The following TIAM2 variants were observed in gnomAD, a reference collection of about 807,000 sequenced individuals.
The protein encoded by TIAM2 is rho guanine nucleotide exchange factor TIAM2.
A neutral mutation model predicts 152.9 loss-of-function variants in TIAM2; 80 were observed. That is an observed-to-expected ratio of 0.52 (90% CI 0.44 to 0.63). The LOEUF (loss-of-function observed/expected upper bound fraction) is 0.63, where lower values mean the gene tolerates loss of function less well. TIAM2 is among the 30% of genes least tolerant of loss of function. TIAM2 has a pLI of 0.00. For synonymous variants in TIAM2, 804 were observed against 838.0 expected, an observed-to-expected ratio of 0.96 and a Z score of 0.70; for missense variants, 1,965 against 2,120.1, an observed-to-expected ratio of 0.93 and a Z score of 1.44.
chr6:155,037,388 AG>A (rs1222478405), intron 1 of TIAM2, among the ~76,000 whole-genome samples: 3 of 148,936 alleles, frequency 2.0e-5, no homozygotes, highest in African/African-American at 7.3e-5. Context: ...TGAATGATTA[AG>A]GCTTTAAAGT....
intron 2 of TIAM2, among the ~76,000 whole-genome samples, chr6:155,117,736 C>G (rs558033299): frequency 6.6e-6 from 1 of 152,246 alleles, no homozygotes; most frequent in South Asian, 2.1e-4. Flanking sequence ...AGCCACTGTG[C>G]CTGGCCTTTC....
rs1778274391 is a variant in TIAM2, at chr6:155,090,397, G to C, written c.-118+18G>C. ...CTCTGTGGGTAAGTTTGAGGCACTT[G>C]TATATCTCAAAGGCTTTAAAAGTAT... On this transcript the variant is annotated intron_variant, in intron 2 of 26. Coordinates refer to ENST00000682666, the MANE Select transcript of TIAM2 (RefSeq NM_012454.4). 6.6e-6 allele frequency: 1 copy of C among 152,164 alleles called. No homozygotes were observed. The highest frequency in any genetic ancestry group is 6.5e-5 in the Admixed American group (1 of 15,272). The allele number at this position is 152,164 out of a possible 1,614,324, so 9.4% of individuals were successfully genotyped here.
At chr6:155,077,724 C>A (rs1042154950) in intron 1 of TIAM2, among the ~76,000 whole-genome samples, 3 of 152,080 alleles carry the variant, frequency 2.0e-5, no homozygotes, top group African/African-American at 7.2e-5. Flanking sequence ...AAGATATTTT[C>A]TCATTTTGTT....
At chr6:155,159,232 A>G (rs1178678876) in intron 7 of TIAM2, among the ~76,000 whole-genome samples, 1 of 152,222 alleles carries the variant, frequency 6.6e-6, no homozygotes, top group Non-Finnish European at 1.5e-5. Context: ...GAATAGGGCC[A>G]CTGAGTGAGA....
At chr6:155,047,667 GGAGAGAGAGAGAGAGAGAGAGGA>G (rs1777209248) in intron 1 of TIAM2, among the ~76,000 whole-genome samples, 1 of 73,368 alleles carries the variant, frequency 1.4e-5, no homozygotes, top group Non-Finnish European at 3.0e-5. Context: ...GAGAGAGAGA[GGAGAGAGAGAGAGAGAGAGAGGA>G]GAGAGAGAGA....
intron 15 of TIAM2, among the ~76,000 whole-genome samples, chr6:155,233,916 T>C (rs1436776303): frequency 6.6e-6 from 1 of 151,506 alleles, no homozygotes; most frequent in Non-Finnish European, 1.5e-5. Context: ...TGAGCTATGA[T>C]TGTACCACAG....
chr6:155,101,033 C>T lies in TIAM2; in HGVS notation c.-118+10654C>T, dbSNP rs151306969. Among the ~76,000 whole-genome samples, 20 of 152,270 alleles carry T rather than the reference C, an allele frequency of 1.3e-4. No individual in the cohort carries two copies. The East Asian group carries it at 3.1e-3, about 23-fold the overall frequency. ...ATTTGCGTGGGTTTTCAGCATCACACGTGGGAGGTAAACCTTCACACCACC... is the reference window on the plus strand; with the variant it reads ...ATTTGCGTGGGTTTTCAGCATCACATGTGGGAGGTAAACCTTCACACCACC... On this transcript the variant is annotated intron_variant, in intron 2 of 26. Coordinates refer to ENST00000682666, the MANE Select transcript of TIAM2 (RefSeq NM_012454.4).
intron 16 of TIAM2, 118 bp downstream of exon 16, chr6:155,240,827 A>G (rs1423901040): frequency 3.8e-6 from 4 of 1,043,214 alleles, no homozygotes; most frequent in Middle Eastern, 2.7e-4. Flanking sequence ...AGGGGGGGAC[A>G]CCTGCTCCTT....
At chr6:155,236,233 G>C (rs1782750840) in intron 15 of TIAM2, among the ~76,000 whole-genome samples, 1 of 151,918 alleles carries the variant, frequency 6.6e-6, no homozygotes, top group Non-Finnish European at 1.5e-5. Context: ...CCTCAGTGGG[G>C]ACCCTGGGAC....
At chr6:155,140,573 T>TGTGAGAGAGAGA (rs1331424200) in intron 5 of TIAM2, among the ~76,000 whole-genome samples, 15 of 107,472 alleles carry the variant, frequency 1.4e-4, no homozygotes, top group African/African-American at 5.8e-4. Flanking sequence ...TGTGTGTGTG[T>TGTGAGAGAGAGA]GAGAGAGAGA....
chr6:155,147,964 T>C (rs1779855955), intron 6 of TIAM2, 146 bp from the exon 7 acceptor site: 1 of 743,922 alleles, frequency 1.3e-6, no homozygotes, highest in Admixed American at 2.4e-5. Flanking sequence ...CTGAGTTGAA[T>C]GGTTGAATGT....
At chr6:155,079,228 A>AT (rs1381082937) in intron 1 of TIAM2, among the ~76,000 whole-genome samples, 5 of 151,822 alleles carry the variant, frequency 3.3e-5, no homozygotes, top group African/African-American at 1.2e-4. Flanking sequence ...TGCCCAGCTA[A>AT]TTTTTGTATT....
rs1781046057 is a variant in TIAM2, at chr6:155,186,507, T to C, written c.3064+3007T>C. On this transcript the variant is annotated intron_variant, in intron 14 of 26. Coordinates refer to ENST00000682666, the MANE Select transcript of TIAM2 (RefSeq NM_012454.4). The surrounding 1 kb of genome is among the most constrained non-coding windows in gnomAD (Gnocchi z 4.5). Reference sequence around the variant, plus strand: ...CTCAAGTCCTTGACTCAGACTCTGCTTTTAGGGGAGCCCGAATGAAGATGC... The same window carrying C: ...CTCAAGTCCTTGACTCAGACTCTGCCTTTAGGGGAGCCCGAATGAAGATGC... Among the ~76,000 whole-genome samples the C allele has an allele frequency of 6.6e-6, 1 of 152,182 alleles. No individual in the cohort carries two copies. Among genetic ancestry groups the C allele is most frequent in the Non-Finnish European group, 1.5e-5 (1 of 68,036 alleles).
intron 2 of TIAM2, among the ~76,000 whole-genome samples, chr6:155,092,368 G>A (rs1293352594): frequency 1.3e-5 from 2 of 152,106 alleles, no homozygotes; most frequent in Admixed American, 1.3e-4. Context: ...AAAGTGCTGG[G>A]ATTACAGGCA....
At chr6:155,245,785 T>C in intron 19 of TIAM2, 54 bp downstream of exon 19, 2 of 1,144,538 alleles carry the variant, frequency 1.7e-6, no homozygotes, top group Non-Finnish European at 2.5e-6. Context: ...TTTTAACTGT[T>C]AGTAAAGGGT....
intron 13 of TIAM2, 47 bp downstream of exon 13, chr6:155,182,365 T>G: frequency 6.8e-7 from 1 of 1,469,422 alleles, no homozygotes; most frequent in East Asian, 2.3e-5. Context: ...TTTGAAACTG[T>G]GGGATACAGT....
chr6:155,159,640 C>T (rs889331667), intron 7 of TIAM2, among the ~76,000 whole-genome samples: 2 of 152,060 alleles, frequency 1.3e-5, no homozygotes, highest in African/African-American at 4.8e-5. Flanking sequence ...CCTTTGGGTC[C>T]AGCACTTGTA....
Position 155,252,943 on chromosome 6 carries a change from T to A in TIAM2, c.4120-5T>A. The A allele has an allele frequency of 6.2e-7, 1 of 1,613,810 alleles. No individual in the cohort carries two copies. Among genetic ancestry groups the A allele is most frequent in the Non-Finnish European group, 8.5e-7 (1 of 1,179,750 alleles). ...CACTTTTCTTGGTGGGCCTTCATGT[T>A]ACAGCCCTCGAATTCCCGGCCTGCA... is the stretch of plus-strand genomic sequence containing the variant. On this transcript the variant is annotated splice_region_variant and splice_polypyrimidine_tract_variant and intron_variant, in intron 23 of 26. Transcript: ENST00000682666.
At chr6:155,057,229 G>A (rs996584509) in intron 1 of TIAM2, among the ~76,000 whole-genome samples, 9 of 151,186 alleles carry the variant, frequency 6.0e-5, no homozygotes, top group Admixed American at 2.6e-4. Context: ...AATTAGAACC[G>A]GTTTTCACCA....
Sources: allele counts gnomAD v4.1 joint callset (sites outside exome capture counted in the v4.1 genomes callset), GRCh38; gene constraint gnomAD v4.1.1; non-coding constraint Gnocchi (gnomAD v3.1); transcripts MANE v1.5; gene names NCBI Gene and HGNC (gene_info 2026-07-23, HGNC 2026-07-21).